The following ZNF83 variants were observed in gnomAD, a reference collection of about 807,000 sequenced individuals.
ZNF83 encodes the protein zinc finger protein 83, also known as zinc finger protein 816B.
For missense variants in ZNF83, 552 were observed against 629.9 expected, an observed-to-expected ratio of 0.88 and a Z score of 1.32; for synonymous variants, 209 against 213.0, an observed-to-expected ratio of 0.98 and a Z score of 0.17.
Position 52,683,263 on chromosome 19 carries a change from T to C in ZNF83, c.-283+7180A>G, listed in dbSNP as rs1226428407. On this transcript the variant is annotated intron_variant, in intron 1 of 5. Coordinates refer to the ZNF83 transcript ENST00000594682. Reference sequence around the variant, plus strand: ...GTGTGTGTGTGTGTGTGTGTGTGTGTGTGTGTGTGTGTGTGTGTATGCTCA... The same window carrying C: ...GTGTGTGTGTGTGTGTGTGTGTGTGCGTGTGTGTGTGTGTGTGTATGCTCA... Among the ~76,000 whole-genome samples the C allele has an allele frequency of 1.4e-3, 128 of 88,406 alleles. 1 individual carries two copies. Among genetic ancestry groups the C allele is most frequent in the African/African-American group, 4.0e-3 (112 of 27,718 alleles). The allele number at this position is 88,406 out of a possible 152,430, so 58.0% of individuals were successfully genotyped here. A position where few individuals can be genotyped will look rare whatever the true frequency, so the allele number is the denominator to read the frequency against.
intron 3 of ZNF83, among the ~76,000 whole-genome samples, chr19:52,650,100 A>G (rs997012715): frequency 1.3e-5 from 2 of 152,158 alleles, no homozygotes; most frequent in African/African-American, 4.8e-5. Flanking sequence ...GGTCATTTCA[A>G]AAGAGAATGT....
intron 2 of ZNF83, among the ~76,000 whole-genome samples, chr19:52,622,261 C>G (rs2060577311): frequency 6.6e-6 from 1 of 152,188 alleles, no homozygotes; most frequent in South Asian, 2.1e-4. Context: ...GTACCATTTT[C>G]TCTATCAGAC....
chr19:52,630,914 C>T (rs1245607576), intron 2 of ZNF83, among the ~76,000 whole-genome samples: 7 of 151,896 alleles, frequency 4.6e-5, no homozygotes, highest in African/African-American at 1.5e-4. Flanking sequence ...TCAGGATCTG[C>T]ACCTTATCAA....
chr19:52,630,507 C>T (rs1014029696), intron 2 of ZNF83, among the ~76,000 whole-genome samples: 3 of 152,106 alleles, frequency 2.0e-5, no homozygotes, highest in Admixed American at 1.3e-4. Flanking sequence ...TTTTAGTTAT[C>T]CCCACCTGCC....
At chr19:52,668,175 C>T (rs956546441) in intron 1 of ZNF83, among the ~76,000 whole-genome samples, 2 of 152,238 alleles carry the variant, frequency 1.3e-5, no homozygotes, top group South Asian at 2.1e-4. Context: ...CTGGGGATGA[C>T]GTTCTCATCA....
At position 52,614,495 on chromosome 19, in the gene ZNF83, G is replaced by A. The variant is rs751063552; in HGVS notation, c.70C>T (p.His24Tyr). The stretch of plus-strand genomic sequence containing the variant: ...TGAAATAGCTGCAGTTCTGGTAGAT[G>A]TGACTGCGGGTTTAATCCAAGCTGA... The change falls in exon 3 of 3, where the codon CAT (histidine) becomes TAT (tyrosine). Residue 24 changes from histidine to tyrosine, a missense_variant. By Grantham distance (83) the His-to-Tyr change is moderately conservative (BLOSUM62 2). Coordinates refer to ENST00000301096, the Ensembl canonical transcript of ZNF83. 16 of 1,608,724 alleles carry A rather than the reference G, an allele frequency of 9.9e-6. No homozygotes were observed. The highest frequency in any genetic ancestry group is 1.3e-5 in the African/African-American group (1 of 74,852).
At chr19:52,612,804 G>T in exon 3 of ZNF83, 1 of 483,172 alleles carries the variant, frequency 2.1e-6, no homozygotes, top group Admixed American at 3.8e-5. Context: ...AGAATTCTTT[G>T]AAGAATCCTG....
intron 1 of ZNF83, among the ~76,000 whole-genome samples, 165 bp downstream of exon 1, chr19:52,638,147 T>A (rs965579540): frequency 6.6e-6 from 1 of 152,224 alleles, no homozygotes; most frequent in African/African-American, 2.4e-5. Context: ...AGGGCGACTT[T>A]AAACCCAAAA....
chr19:52,637,522 C>A (rs530287963), intron 1 of ZNF83, among the ~76,000 whole-genome samples: 19 of 152,208 alleles, frequency 1.2e-4, no homozygotes, highest in African/African-American at 4.6e-4. Flanking sequence ...TCTCCTCCTG[C>A]TTTCTTTTTT....
At chr19:52,678,874 C>CT (rs1024641365) in intron 1 of ZNF83, among the ~76,000 whole-genome samples, 1 of 151,606 alleles carries the variant, frequency 6.6e-6, no homozygotes, top group African/African-American at 2.4e-5. Context: ...ACTCAGGAGG[C>CT]TGAGGCAGGA....
intron 2 of ZNF83, among the ~76,000 whole-genome samples, chr19:52,657,205 A>T (rs1398775143): frequency 6.6e-6 from 1 of 152,216 alleles, no homozygotes; most frequent in Non-Finnish European, 1.5e-5. Context: ...TGAGAAGGTC[A>T]GCCAACATAC....
At chr19:52,628,770 A>T (rs1474582551) in intron 2 of ZNF83, among the ~76,000 whole-genome samples, 1 of 151,712 alleles carries the variant, frequency 6.6e-6, no homozygotes, top group African/African-American at 2.4e-5. Flanking sequence ...CTTAGCAGCA[A>T]GTCCCACTTT....
intron 3 of ZNF83, chr19:52,652,687 G>T: frequency 1.7e-6 from 1 of 605,980 alleles, no homozygotes; most frequent in South Asian, 1.5e-5. Context: ...TGCAATGCTT[G>T]TAGCATTACT....
chr19:52,672,835 C>T (rs929254841), intron 1 of ZNF83, among the ~76,000 whole-genome samples: 10 of 151,916 alleles, frequency 6.6e-5, no homozygotes, highest in Non-Finnish European at 1.5e-4. Context: ...CCTGACCTTC[C>T]AAAGTGCTGG....
intron 2 of ZNF83, among the ~76,000 whole-genome samples, chr19:52,625,342 G>C (rs987632240): frequency 6.6e-6 from 1 of 152,096 alleles, no homozygotes. Flanking sequence ...CCCTATGCAA[G>C]TGTCCTCCAT....
At chr19:52,673,389 G>C (rs1008486301) in intron 1 of ZNF83, among the ~76,000 whole-genome samples, 6 of 152,110 alleles carry the variant, frequency 3.9e-5, no homozygotes, top group Non-Finnish European at 8.8e-5. Context: ...TGTAATCTCA[G>C]ATATTCAGGA....
rs1400891007 is a variant in ZNF83 at position 52,677,029 on chromosome 19, C to T, written c.-283+13414G>A. ...TCCTCTGCCTAGGAAAACCAGAGAC[C>T]TTTGTTCACTTGTTTATCTGCTGAC... On this transcript the variant is annotated intron_variant, in intron 1 of 5. Transcript: ENST00000594682. Among the ~76,000 whole-genome samples the T allele has an allele frequency of 2.7e-5, 4 of 147,404 alleles. No individual in the cohort carries two copies. In the East Asian group the frequency reaches 5.9e-4, roughly 22 times the overall value.
intron 1 of ZNF83, among the ~76,000 whole-genome samples, chr19:52,674,777 A>C (rs189079952): frequency 7.9e-5 from 12 of 152,380 alleles, no homozygotes; most frequent in African/African-American, 2.6e-4. Flanking sequence ...ATAGAGATAC[A>C]ACCAATATTG....
chr19:52,663,572 T>C (rs1468762927), intron 1 of ZNF83, among the ~76,000 whole-genome samples: 1 of 152,232 alleles, frequency 6.6e-6, no homozygotes, highest in Non-Finnish European at 1.5e-5. Flanking sequence ...CTACTTGAAC[T>C]AAATTTTGAT....
Sources: gnomAD v4.1 joint callset for allele counts (sites outside exome capture counted in the v4.1 genomes callset) on GRCh38, gnomAD v4.1.1 for gene constraint, MANE v1.5 for transcripts, NCBI Gene and HGNC (gene_info 2026-07-23, HGNC 2026-07-21) for gene names.